MYO1D: variants seen among roughly 807,000 people sequenced by gnomAD.
The protein encoded by MYO1D is myosin ID, also known as unconventional myosin-Id.
In MYO1D, 83 loss-of-function variants were observed where a neutral mutation model predicts 122.0. That is an observed-to-expected ratio of 0.68 (90% CI 0.57 to 0.82). The LOEUF is 0.82. MYO1D is among the 40% of genes least tolerant of loss of function. The pLI, the probability that MYO1D is intolerant of heterozygous loss-of-function variation, is 0.00. For synonymous variants in MYO1D, 464 were observed against 446.9 expected (o/e 1.04, Z -0.48); for missense variants, 1,157 against 1,269.5 (o/e 0.91, Z 1.35).
chr17:32,814,705 TCATC>T, intron 1 of MYO1D, among the ~76,000 whole-genome samples: 1 of 152,358 alleles, frequency 6.6e-6, no homozygotes, highest in East Asian at 1.9e-4. Flanking sequence ...AATTGCTGTA[TCATC>T]TATTAGAAGT....
intron 15 of MYO1D, among the ~76,000 whole-genome samples, chr17:32,715,412 A>G (rs2089430914): frequency 6.6e-6 from 1 of 152,164 alleles, no homozygotes; most frequent in African/African-American, 2.4e-5. Flanking sequence ...CCCTAATTAC[A>G]GTTAATTACT....
At chr17:32,644,340 G>T (rs2088252907) in intron 19 of MYO1D, among the ~76,000 whole-genome samples, 1 of 152,048 alleles carries the variant, frequency 6.6e-6, no homozygotes, top group Admixed American at 6.6e-5. Context: ...CCAACTATGT[G>T]GTCACTTTTG....
At chr17:32,544,123 T>A (rs1170084249) in intron 21 of MYO1D, among the ~76,000 whole-genome samples, 1 of 145,066 alleles carries the variant, frequency 6.9e-6, no homozygotes, top group Non-Finnish European at 1.5e-5. Context: ...TGAGACAGGG[T>A]CTCACTCTGT....
chr17:32,610,120 A>T (rs1472880879), intron 20 of MYO1D, among the ~76,000 whole-genome samples: 2 of 152,158 alleles, frequency 1.3e-5, no homozygotes, highest in Non-Finnish European at 2.9e-5. Context: ...GGGTTCAGGG[A>T]AAAGAGACAG....
At chr17:32,626,050 C>CT (rs1270440517) in intron 20 of MYO1D, among the ~76,000 whole-genome samples, 1 of 152,228 alleles carries the variant, frequency 6.6e-6, no homozygotes, top group African/African-American at 2.4e-5. Context: ...TATTACTGTG[C>CT]TGTGCACCTA....
At chr17:32,684,210 G>C (rs1057148316) in intron 16 of MYO1D, 1 of 157,552 alleles carries the variant, frequency 6.3e-6, no homozygotes, top group African/African-American at 2.4e-5. Flanking sequence ...CGTGTTCTGC[G>C]TAGCTCACGC....
chr17:32,547,075 A>T (rs1172428653), intron 21 of MYO1D, among the ~76,000 whole-genome samples: 1 of 148,054 alleles, frequency 6.8e-6, no homozygotes, highest in Admixed American at 6.7e-5. Flanking sequence ...CTAATTAAAC[A>T]TTTTTTTTTT....
intron 21 of MYO1D, chr17:32,505,092 G>A (rs1909458009): frequency 1.3e-5 from 2 of 152,344 alleles, no homozygotes; most frequent in South Asian, 2.1e-4. Context: ...GGGGCAGACT[G>A]TGTGATGTCC....
At chr17:32,509,011 C>A (rs183558841) in intron 21 of MYO1D, among the ~76,000 whole-genome samples, 2 of 152,326 alleles carry the variant, frequency 1.3e-5, no homozygotes, top group Admixed American at 1.3e-4. Context: ...ATTAAGAAAG[C>A]AGCTGGGGCT....
chr17:32,662,836 A>G (rs2088585689), intron 16 of MYO1D, among the ~76,000 whole-genome samples: 1 of 152,136 alleles, frequency 6.6e-6, no homozygotes, highest in South Asian at 2.1e-4. Context: ...GTGAGTAGTC[A>G]GTGCCCAATA....
chr17:32,675,227 T>C (rs2088790364), intron 16 of MYO1D, among the ~76,000 whole-genome samples: 1 of 152,196 alleles, frequency 6.6e-6, no homozygotes, highest in African/African-American at 2.4e-5. Context: ...GTAGCTCATG[T>C]TGGAATAATG....
chr17:32,501,988 T>C (rs892097420), intron 21 of MYO1D, among the ~76,000 whole-genome samples: 1 of 152,134 alleles, frequency 6.6e-6, no homozygotes, highest in African/African-American at 2.4e-5. Flanking sequence ...TCCAGGTAGA[T>C]GATGTCGGAA....
chr17:32,529,928 C>T (rs1271296163), intron 21 of MYO1D: 1 of 152,218 alleles, frequency 6.6e-6, no homozygotes, highest in Non-Finnish European at 1.5e-5. Flanking sequence ...CTCAAAGGCT[C>T]CCAGCTGTAT....
At position 32,721,063 on chromosome 17, in the gene MYO1D, C is replaced by T. The variant is rs377585490; in HGVS notation, c.1873G>A (p.Gly625Arg). 117 of 1,614,038 alleles carry T rather than the reference C, an allele frequency of 7.2e-5. No individual in the cohort carries two copies. The highest frequency in any genetic ancestry group is 9.7e-5 in the Non-Finnish European group (115 of 1,180,016). ...LLENVRVRRA[G>R]FAFRQTYEKF... ...TCGTATGTCTGGCGGAAGGCAAATC[C>T]TGCCCGACGCACTCTCACATTTTCC... is the stretch of plus-strand genomic sequence containing the variant. Residue 625 changes from glycine to arginine, a missense_variant, in exon 15 of 22, where the codon GGA becomes AGA. By Grantham distance (125) the Gly-to-Arg change is moderately radical (BLOSUM62 -2). Coordinates refer to ENST00000318217, the MANE Select transcript of MYO1D (RefSeq NM_015194.3).
intron 1 of MYO1D, among the ~76,000 whole-genome samples, chr17:32,844,061 A>G (rs537989638): frequency 7.3e-5 from 11 of 150,934 alleles, no homozygotes; most frequent in Non-Finnish European, 1.3e-4. Flanking sequence ...TTATCAGCAT[A>G]ATGATAACCT....
At chr17:32,876,672 C>G in intron 1 of MYO1D, 106 bp downstream of exon 1, 1 of 915,258 alleles carries the variant, frequency 1.1e-6, no homozygotes, top group Non-Finnish European at 1.6e-6. Flanking sequence ...GCCTCCATCC[C>G]TGGAGCTTGG....
intron 1 of MYO1D, among the ~76,000 whole-genome samples, chr17:32,782,795 C>T (rs1004352596): frequency 1.3e-5 from 2 of 152,012 alleles, no homozygotes; most frequent in African/African-American, 2.4e-5. Flanking sequence ...ATTAGCTCGG[C>T]GTGGTGGTGC....
chr17:32,767,790 T>C (rs1219153275), intron 6 of MYO1D, 38 bp from the exon 7 acceptor site: 1 of 1,403,172 alleles, frequency 7.1e-7, no homozygotes, highest in East Asian at 2.3e-5. Flanking sequence ...TACAGATATT[T>C]CCTATGAGCA....
At chr17:32,832,100 G>T (rs543198185) in intron 1 of MYO1D, among the ~76,000 whole-genome samples, 1 of 151,806 alleles carries the variant, frequency 6.6e-6, no homozygotes. Context: ...TAATATGGGG[G>T]TTTTCTTTTT....
Sources: allele counts gnomAD v4.1 joint callset (sites outside exome capture counted in the v4.1 genomes callset), GRCh38; gene constraint gnomAD v4.1.1; transcripts MANE v1.5; gene names NCBI Gene and HGNC (gene_info 2026-07-23, HGNC 2026-07-21).